Variants in CHLSN observed in about 807,000 individuals in gnomAD.
The protein encoded by CHLSN is cholesin, also known as protein cholesin.
the CHLSN span, among the ~76,000 whole-genome samples, chr7:1,011,433 C>CCACAGACACCCAGACACACCCA: frequency 6.9e-6 from 1 of 145,258 alleles, no homozygotes; most frequent in Non-Finnish European, 1.5e-5. Flanking sequence ...CCAGAAACAC[C>CCACAGACACCCAGACACACCCA]CACACACCCA....
chr7:1,107,111 G>A, the CHLSN span, among the ~76,000 whole-genome samples: 1 of 152,216 alleles, frequency 6.6e-6, no homozygotes, highest in African/African-American at 2.4e-5. Context: ...TGTACTGCAG[G>A]ACCATGAAGA....
the CHLSN span, among the ~76,000 whole-genome samples, chr7:1,053,696 A>AC: frequency 6.6e-6 from 1 of 152,184 alleles, no homozygotes; most frequent in Admixed American, 6.5e-5. Context: ...GTGTGGTGGC[A>AC]GTCGCCTGTA....
At chr7:1,065,324 A>C in the CHLSN span, among the ~76,000 whole-genome samples, 1 of 152,262 alleles carries the variant, frequency 6.6e-6, no homozygotes, top group Admixed American at 6.5e-5. Flanking sequence ...CATTTACCCA[A>C]GAAAAATGGG....
the CHLSN span, among the ~76,000 whole-genome samples, chr7:1,003,906 T>G: frequency 1.1e-5 from 1 of 90,516 alleles, no homozygotes; most frequent in Admixed American, 1.2e-4. Context: ...TGTGGGTGAG[T>G]GGAGTCCTGT....
At chr7:1,052,325 C>T in the CHLSN span, among the ~76,000 whole-genome samples, 2 of 152,218 alleles carry the variant, frequency 1.3e-5, no homozygotes, top group Non-Finnish European at 2.9e-5. The surrounding 1 kb of genome is among the most constrained non-coding windows in gnomAD (Gnocchi z 4.2). Context: ...GAGCCCAGTC[C>T]TGGGTGCCTC....
the CHLSN span, chr7:997,584 A>T: frequency 6.9e-7 from 1 of 1,440,518 alleles, no homozygotes; most frequent in Non-Finnish European, 9.1e-7. Flanking sequence ...GGTCTGAGGC[A>T]GCCCTGCACT....
At chr7:1,106,669 C>G in the CHLSN span, among the ~76,000 whole-genome samples, 15 of 152,324 alleles carry the variant, frequency 9.8e-5, no homozygotes, top group African/African-American at 3.1e-4. Flanking sequence ...GGGTGTATTT[C>G]AAAGGTAGAC....
chr7:1,126,581 C>G, the CHLSN span, among the ~76,000 whole-genome samples: 1 of 151,614 alleles, frequency 6.6e-6, no homozygotes, highest in African/African-American at 2.4e-5. Context: ...CCTGTGGGGC[C>G]GAGGCAGGAA....
chr7:1,059,654 G>C, the CHLSN span, among the ~76,000 whole-genome samples: 105 of 81,006 alleles, frequency 1.3e-3, no homozygotes, highest in Non-Finnish European at 1.5e-3. Context: ...GCAGGTCTTA[G>C]GGGGGCGGGT....
At chr7:1,127,573 C>A in the CHLSN span, among the ~76,000 whole-genome samples, 2 of 151,026 alleles carry the variant, frequency 1.3e-5, no homozygotes, top group African/African-American at 2.4e-5. Flanking sequence ...CAACTTGACA[C>A]ATTTTGGTAT....
the CHLSN span, among the ~76,000 whole-genome samples, chr7:1,075,520 T>C: frequency 6.7e-6 from 1 of 149,832 alleles, no homozygotes; most frequent in African/African-American, 2.5e-5. Context: ...CTAGATTCTG[T>C]CTCAAAAAAA....
At chr7:983,447 C>A in the CHLSN span, 7 of 1,354,616 alleles carry the variant, frequency 5.2e-6, no homozygotes, top group Non-Finnish European at 6.7e-6. Context: ...TGGCCCCCCT[C>A]CTGGGGAAGC....
chr7:997,822 C>A, the CHLSN span: 2 of 1,599,440 alleles, frequency 1.3e-6, no homozygotes, highest in Non-Finnish European at 1.7e-6. Flanking sequence ...GGAAAGAGAT[C>A]GAGTTGGTCA....
the CHLSN span, among the ~76,000 whole-genome samples, chr7:1,016,504 C>T: frequency 7.2e-6 from 1 of 139,848 alleles, no homozygotes; most frequent in Non-Finnish European, 1.6e-5. Context: ...CGCACAGCAG[C>T]ACAGCAGCGC....
the CHLSN span, chr7:1,000,327 T>A: frequency 1.8e-6 from 1 of 568,756 alleles, no homozygotes; most frequent in Non-Finnish European, 2.8e-6. Flanking sequence ...GAGACGTGCC[T>A]GCCCCGCCGT....
the CHLSN span, among the ~76,000 whole-genome samples, chr7:1,023,252 G>A: frequency 6.6e-6 from 1 of 152,188 alleles, no homozygotes; most frequent in Non-Finnish European, 1.5e-5. The surrounding 1 kb of genome is among the most constrained non-coding windows in gnomAD (Gnocchi z 5.0). Context: ...CGGGCTGAGC[G>A]CAAGTGATGT....
At chr7:1,000,547 C>T in the CHLSN span, 2 of 1,604,644 alleles carry the variant, frequency 1.2e-6, no homozygotes, top group Non-Finnish European at 8.5e-7. Context: ...TGCTTTTGGG[C>T]CCATCTAGGG....
At chr7:1,115,649 A>T in the CHLSN span, among the ~76,000 whole-genome samples, 1 of 121,412 alleles carries the variant, frequency 8.2e-6, no homozygotes, top group African/African-American at 3.1e-5. Context: ...GGATGATGAC[A>T]TCACTACAGC....
chr7:1,010,135 A>T, the CHLSN span: 2 of 1,609,422 alleles, frequency 1.2e-6, no homozygotes, highest in South Asian at 2.2e-5. Context: ...GCCTGAGCAC[A>T]GCTTCGCCCT....
Sources: allele counts gnomAD v4.1 joint callset (sites outside exome capture counted in the v4.1 genomes callset), GRCh38; gene constraint gnomAD v4.1.1; non-coding constraint Gnocchi (gnomAD v3.1); transcripts MANE v1.5; gene names NCBI Gene and HGNC (gene_info 2026-07-23, HGNC 2026-07-21).